Variants in ARMC9 observed in about 807,000 individuals in gnomAD.
ARMC9 encodes lisH domain-containing protein ARMC9.
Under a neutral mutation model 107.0 loss-of-function variants are expected in ARMC9, and 94 were observed. That is an observed-to-expected ratio of 0.88 (90% CI 0.74 to 1.04). The LOEUF (loss-of-function observed/expected upper bound fraction) is 1.04, where lower values mean the gene tolerates loss of function less well. Ranked by LOEUF, ARMC9 falls within the 50% of genes least tolerant of loss-of-function variation. ARMC9 has a pLI of 0.00. For missense variants in ARMC9, 942 were observed against 1,030.1 expected, an observed-to-expected ratio of 0.91 and a Z score of 1.17; for synonymous variants, 380 against 396.9, an observed-to-expected ratio of 0.96 and a Z score of 0.51.
chr2:231,210,468 G>A (rs758774542), intron 3 of ARMC9, among the ~76,000 whole-genome samples: 15 of 152,350 alleles, frequency 9.8e-5, no homozygotes, highest in African/African-American at 2.6e-4. Context: ...TACCCTACAC[G>A]TTGGAAGTAT....
At chr2:231,350,152 A>G (rs566149482) in intron 21 of ARMC9, among the ~76,000 whole-genome samples, 261 of 151,990 alleles carry the variant, frequency 1.7e-3, no homozygotes, top group Middle Eastern at 0.01. Context: ...CAGCCTCCCA[A>G]GTAGCTGGGA....
chr2:231,213,557 AC>A (rs1365467232), intron 3 of ARMC9, among the ~76,000 whole-genome samples: 1 of 150,176 alleles, frequency 6.7e-6, no homozygotes, highest in Non-Finnish European at 1.5e-5. Flanking sequence ...GCTCACCCCA[AC>A]CTCCGCCTCC....
intron 12 of ARMC9, among the ~76,000 whole-genome samples, chr2:231,268,001 A>C (rs908322467): frequency 3.9e-5 from 6 of 152,230 alleles, no homozygotes; most frequent in African/African-American, 1.4e-4. Context: ...CCTGTGATGT[A>C]TTTGTAAAAT....
intron 19 of ARMC9, among the ~76,000 whole-genome samples, chr2:231,318,443 C>T (rs2042823595): frequency 6.6e-6 from 1 of 152,182 alleles, no homozygotes; most frequent in African/African-American, 2.4e-5. Flanking sequence ...GGGTTTTCTG[C>T]ATGTACCTGT....
At position 231,360,015 on chromosome 2, in the gene ARMC9, G is replaced by A. The variant is rs1029039265; in HGVS notation, c.2132-739G>A. The stretch of plus-strand genomic sequence containing the variant: ...CGGATGCAGCCTCTGTCACAGTGTC[G>A]CTGCAGCAGTGACATGGACCCCTTC... On this transcript the variant is annotated intron_variant, in intron 22 of 24. Transcript: ENST00000611582. The surrounding 1 kb of genome is among the most constrained non-coding windows in gnomAD (Gnocchi z 4.7). Among the ~76,000 whole-genome samples, 2 of 152,124 alleles carry A rather than the reference G, an allele frequency of 1.3e-5. No individual in the cohort carries two copies. Among genetic ancestry groups the A allele is most frequent in the African/African-American group, 2.4e-5 (1 of 41,414 alleles).
At chr2:231,287,992 C>T (rs560656201) in intron 17 of ARMC9, among the ~76,000 whole-genome samples, 25 of 152,296 alleles carry the variant, frequency 1.6e-4, no homozygotes, top group African/African-American at 4.8e-4. Flanking sequence ...GGCTTCGAAT[C>T]GTGTTCCACC....
chr2:231,218,499 T>TA (rs2033770336), intron 5 of ARMC9, among the ~76,000 whole-genome samples: 1 of 152,182 alleles, frequency 6.6e-6, no homozygotes, highest in Non-Finnish European at 1.5e-5. Context: ...GTGGCATAGA[T>TA]AAAGCTTGGA....
At chr2:231,277,702 A>G (rs1559392861) in intron 15 of ARMC9, among the ~76,000 whole-genome samples, 1 of 151,698 alleles carries the variant, frequency 6.6e-6, no homozygotes. Flanking sequence ...AGCTGGGATT[A>G]CAGGTGCCCA....
chr2:231,244,753 C>T (rs2036601801), intron 9 of ARMC9, among the ~76,000 whole-genome samples: 1 of 152,222 alleles, frequency 6.6e-6, no homozygotes, highest in Non-Finnish European at 1.5e-5. Flanking sequence ...CAGCCCTGGA[C>T]AGCTCTGGCC....
Position 231,374,968 on chromosome 2 carries a change from G to A in ARMC9, c.*3433G>A, listed in dbSNP as rs2046152868. Reference sequence around the variant, plus strand: ...CCTGATAGCACAGCCTGGGGCTGGTGGTGTGCCTGTTTGCCTAGCTTTATC... The same window carrying A: ...CCTGATAGCACAGCCTGGGGCTGGTAGTGTGCCTGTTTGCCTAGCTTTATC... On this transcript the variant is annotated 3_prime_UTR_variant, in exon 25 of 25. Coordinates refer to ENST00000611582, the MANE Select transcript of ARMC9 (RefSeq NM_001352754.2). 1.3e-5 allele frequency: 2 copies of A among 152,204 alleles called. No individual in the cohort carries two copies. The highest frequency in any genetic ancestry group is 2.9e-5 in the Non-Finnish European group (2 of 68,050). 9.4% of individuals were successfully genotyped at this position (152,204 alleles called of 1,614,324 possible). A position where few individuals can be genotyped will look rare whatever the true frequency, so the allele number is the denominator to read the frequency against.
At position 231,375,220 on chromosome 2, in the gene ARMC9, G is replaced by A. The variant is rs1408159367; in HGVS notation, c.*3685G>A. 6.6e-6 allele frequency among the ~76,000 whole-genome samples: 1 copy of A among 152,226 alleles called. No individual in the cohort carries two copies. The highest frequency in any genetic ancestry group is 1.5e-5 in the Non-Finnish European group (1 of 68,040). ...GAGGGCAGTCAGGGGCTTCGCTCAT[G>A]TCTGGTAGTTGGCTGTTGGCTGAGC... On this transcript the variant is annotated 3_prime_UTR_variant, in exon 25 of 25. Coordinates refer to ENST00000611582, the MANE Select transcript of ARMC9 (RefSeq NM_001352754.2). This position sits in a 1 kb window ranked among gnomAD's most constrained non-coding sequence, Gnocchi z 4.3.
At position 231,362,504 on chromosome 2, in the gene ARMC9, C is replaced by T. The variant is rs902569145; in HGVS notation, c.2261+1621C>T. On this transcript the variant is annotated intron_variant, in intron 23 of 24. Coordinates refer to ENST00000611582, the MANE Select transcript of ARMC9 (RefSeq NM_001352754.2). This position sits in a 1 kb window ranked among gnomAD's most constrained non-coding sequence, Gnocchi z 4.7. ...TGAGGGACCTCATTACATCAAGCAG[C>T]GTTGCCTAGCTGGCCCCCCAAGATT... 1.3e-5 allele frequency among the ~76,000 whole-genome samples: 2 copies of T among 152,088 alleles called. No homozygotes were observed. The highest frequency in any genetic ancestry group is 1.9e-4 in the East Asian group (1 of 5,172).
chr2:231,240,242 A>T, intron 9 of ARMC9: 1 of 588,702 alleles, frequency 1.7e-6, no homozygotes, highest in South Asian at 2.0e-5. Flanking sequence ...AGGGAGGGTG[A>T]GGAGAGAGGC....
chr2:231,253,233 C>T (rs2125398129), intron 9 of ARMC9, among the ~76,000 whole-genome samples: 1 of 152,204 alleles, frequency 6.6e-6, no homozygotes, highest in African/African-American at 2.4e-5. Flanking sequence ...CCTGCCTCAG[C>T]CTCCTGAGTA....
chr2:231,341,214 T>C (rs543420442), intron 20 of ARMC9, among the ~76,000 whole-genome samples: 19 of 152,198 alleles, frequency 1.2e-4, no homozygotes, highest in Non-Finnish European at 2.2e-4. Flanking sequence ...ATACATAAAA[T>C]GACCATGTGA....
At chr2:231,289,363 A>C (rs1157177677) in intron 17 of ARMC9, among the ~76,000 whole-genome samples, 1 of 152,174 alleles carries the variant, frequency 6.6e-6, no homozygotes, top group Non-Finnish European at 1.5e-5. Flanking sequence ...GCTACTTGGG[A>C]GGCTAAGGTA....
At chr2:231,272,920 G>T (rs746671257) in intron 13 of ARMC9, 35 bp from the exon 14 acceptor site, 1 of 1,604,946 alleles carries the variant, frequency 6.2e-7, no homozygotes, top group Non-Finnish European at 8.5e-7. Context: ...AATTATTTCT[G>T]TCTTTCACCT....
chr2:231,262,853 C>G (rs2038502824), intron 12 of ARMC9, among the ~76,000 whole-genome samples: 1 of 152,168 alleles, frequency 6.6e-6, no homozygotes, highest in South Asian at 2.1e-4. Context: ...AATAAACTGG[C>G]TTTCAAACCT....
At chr2:231,323,957 C>T (rs1201979261) in intron 19 of ARMC9, among the ~76,000 whole-genome samples, 2 of 152,102 alleles carry the variant, frequency 1.3e-5, no homozygotes, top group Admixed American at 6.5e-5. Flanking sequence ...AGGTCAGCTG[C>T]GGGGCCCTGG....
Sources: gnomAD v4.1 joint callset for allele counts (sites outside exome capture counted in the v4.1 genomes callset) on GRCh38, gnomAD v4.1.1 for gene constraint, Gnocchi (gnomAD v3.1) non-coding constraint, MANE v1.5 for transcripts, NCBI Gene and HGNC (gene_info 2026-07-23, HGNC 2026-07-21) for gene names.